The following ZNF773 variants were observed in gnomAD, a reference collection of about 807,000 sequenced individuals.
ZNF773 encodes zinc finger protein 773.
A neutral mutation model predicts 12.8 loss-of-function variants in ZNF773; 11 were observed. The ratio of observed to expected loss-of-function variants is 0.86; its 90% CI spans 0.54 to 1.42. The LOEUF is 1.42. ZNF773 is among the 40% of genes most tolerant of loss of function. The pLI, the probability that ZNF773 is intolerant of heterozygous loss-of-function variation, is 0.00. For missense variants in ZNF773, 518 were observed against 527.2 expected (o/e 0.98, Z 0.17); for synonymous variants, 175 against 178.4 (o/e 0.98, Z 0.15).
In ZNF773 at chr19:57,506,757, G is replaced by A. The variant is rs148693475; in HGVS notation, c.662G>A (p.Cys221Tyr). ...RLHTGEKPYE[C>Y]SECGKLFSHK... ...CACACTGGGGAAAAGCCTTATGAATGCAGTGAATGTGGGAAGTTATTTAGC... is the reference window on the plus strand; with the variant it reads ...CACACTGGGGAAAAGCCTTATGAATACAGTGAATGTGGGAAGTTATTTAGC... The change falls in exon 4 of 4, where the codon TGC becomes TAC. Residue 221 changes from cysteine (C) to tyrosine (Y), a missense_variant. Cys to Tyr is a radical substitution (Grantham distance 194, BLOSUM62 -2). Transcript: ENST00000282292. The A allele has an allele frequency of 1.5e-4, 239 of 1,614,222 alleles. No individual in the cohort carries two copies. The highest frequency in any genetic ancestry group is 2.0e-4 in the East Asian group (9 of 44,890).
Position 57,504,616 on chromosome 19 carries a change from A to G in ZNF773, c.34-41A>G, listed in dbSNP as rs772997275. ...GTTTAGGGGGATGCCTAAATTCCCCAGTAAGGAGACCGCAGATAAACTCAA... is the reference window on the plus strand; with the variant it reads ...GTTTAGGGGGATGCCTAAATTCCCCGGTAAGGAGACCGCAGATAAACTCAA... On this transcript the variant is annotated intron_variant, in intron 1 of 3. Coordinates refer to ENST00000282292, the MANE Select transcript of ZNF773 (RefSeq NM_198542.3). The G allele has an allele frequency of 7.0e-5, 112 of 1,610,502 alleles. 1 individual carries two copies. In the South Asian group the frequency reaches 1.2e-3, roughly 17 times the overall value.
chr19:57,513,276 G>A, downstream of ZNF773: 2 of 420,360 alleles, frequency 4.8e-6, no homozygotes, highest in East Asian at 7.9e-5. Flanking sequence ...ACAATCTGGT[G>A]CTCAGGTTAG....
downstream of ZNF773, chr19:57,513,023 C>T: frequency 6.4e-7 from 1 of 1,565,286 alleles, no homozygotes; most frequent in Non-Finnish European, 8.6e-7. Flanking sequence ...TTCATTCAGT[C>T]CCGAACCGAC....
At chr19:57,503,875 C>T (rs1419323648) in intron 1 of ZNF773, among the ~76,000 whole-genome samples, 1 of 152,054 alleles carries the variant, frequency 6.6e-6, no homozygotes, top group Non-Finnish European at 1.5e-5. Context: ...TCAGGCTGGT[C>T]TCGAACTCCT....
downstream of ZNF773, among the ~76,000 whole-genome samples, chr19:57,510,074 C>G (rs1025922255): frequency 1.4e-4 from 21 of 152,186 alleles, no homozygotes; most frequent in Non-Finnish European, 3.1e-4. Flanking sequence ...AATCACCCCG[C>G]TGGGTCTCTT....
In ZNF773 at chr19:57,507,858, A is replaced by T. The variant is rs4801493; in HGVS notation, c.*434A>T. ...CATGGTGGTGGGCGCCTGTAGTCCC[A>T]GCTACTCAGGAGGCTGAGGCAGAAG... On this transcript the variant is annotated 3_prime_UTR_variant, in exon 4 of 4. Coordinates refer to ENST00000282292, the MANE Select transcript of ZNF773 (RefSeq NM_198542.3). The T allele has an allele frequency of 2.4e-5, 7 of 289,790 alleles. No individual in the cohort carries two copies. Among genetic ancestry groups the T allele is most frequent in the African/African-American group, 1.1e-4 (5 of 43,538 alleles). 18.0% of individuals were successfully genotyped at this position (289,790 alleles called of 1,614,324 possible).
Position 57,507,535 on chromosome 19 carries a change from C to T in ZNF773, c.*111C>T. 1 of 1,467,704 alleles carries T rather than the reference C, an allele frequency of 6.8e-7. No individual in the cohort carries two copies. The highest frequency in any genetic ancestry group is 1.5e-5 in the South Asian group (1 of 68,384). The allele number at this position is 1,467,704 out of a possible 1,614,324, so 90.9% of individuals were successfully genotyped here. A position where few individuals can be genotyped will look rare whatever the true frequency, so the allele number is the denominator to read the frequency against. ...GAAATCCATTAGCTATACCTCCAAA[C>T]TCATTCAACACTGGACAGTTCACAG... On this transcript the variant is annotated 3_prime_UTR_variant, in exon 4 of 4. Transcript: ENST00000282292.
chr19:57,515,270 A>T (rs2089824710), downstream of ZNF773: 1 of 152,256 alleles, frequency 6.6e-6, no homozygotes, highest in Admixed American at 6.5e-5. Flanking sequence ...ATCTCTAGGT[A>T]ACAATAAAGC....
At chr19:57,504,447 T>C (rs1266654476) in intron 1 of ZNF773, among the ~76,000 whole-genome samples, 4 of 152,140 alleles carry the variant, frequency 2.6e-5, no homozygotes, top group Non-Finnish European at 4.4e-5. Flanking sequence ...CTGCATACCA[T>C]GCCCAGAGCT....
downstream of ZNF773, among the ~76,000 whole-genome samples, chr19:57,510,030 C>G (rs1397596875): frequency 6.6e-6 from 1 of 152,314 alleles, no homozygotes; most frequent in East Asian, 1.9e-4. Flanking sequence ...AGAGCCTTAA[C>G]AAAATTTTAG....
At chr19:57,514,303 G>A (rs769307163), downstream of ZNF773, 1 of 152,204 alleles carries the variant, frequency 6.6e-6, no homozygotes, top group Non-Finnish European at 1.5e-5. Flanking sequence ...TGTAGGGACA[G>A]ATTACAAACT....
intron 1 of ZNF773, 143 bp from the exon 2 acceptor site, chr19:57,504,514 G>C: frequency 8.2e-7 from 1 of 1,222,154 alleles, no homozygotes; most frequent in Non-Finnish European, 1.2e-6. Flanking sequence ...CATGAGGAGA[G>C]AGTGGGCATC....
rs1239922863 is a variant in ZNF773 at position 57,507,657 on chromosome 19, C to T, written c.*233C>T. ...AGACTGGAGAAAGGCCTTAGACTGT[C>T]GCTGAATCAATATGACCTGACTTAA... On this transcript the variant is annotated 3_prime_UTR_variant, in exon 4 of 4. Transcript: ENST00000282292. The T allele has an allele frequency of 1.3e-5, 17 of 1,334,952 alleles. No individual in the cohort carries two copies. The Admixed American group carries it at 1.8e-4, about 14-fold the overall frequency. 82.7% of individuals were successfully genotyped at this position (1,334,952 alleles called of 1,614,324 possible). A position where few individuals can be genotyped will look rare whatever the true frequency, so the allele number is the denominator to read the frequency against.
intron 1 of ZNF773, among the ~76,000 whole-genome samples, chr19:57,503,783 G>A (rs2089695780): frequency 6.6e-6 from 1 of 151,638 alleles, no homozygotes; most frequent in Admixed American, 6.6e-5. Flanking sequence ...TCAGCCTCCC[G>A]AGTAGCTGGG....
intron 1 of ZNF773, among the ~76,000 whole-genome samples, chr19:57,502,847 C>T (rs1385242159): frequency 2.0e-5 from 3 of 152,178 alleles, no homozygotes; most frequent in East Asian, 3.9e-4. Context: ...CCTGCCACCA[C>T]GCCCAGATAA....
downstream of ZNF773, chr19:57,514,846 C>A (rs1281027340): frequency 2.0e-5 from 3 of 152,168 alleles, no homozygotes; most frequent in East Asian, 3.8e-4. Flanking sequence ...ATCCATCAGA[C>A]AAAATTTTGC....
rs755655231 is a variant in ZNF773, at chr19:57,505,382, A to C, written c.244A>C (p.Thr82Pro). The C allele has an allele frequency of 2.5e-6, 4 of 1,613,876 alleles. No homozygotes were observed. The Admixed American group carries it at 6.7e-5, about 27-fold the overall frequency. ...CTTCATGCCTGCTTGGGAAGTTGTG[A>C]CTTCAGCCATACTGAGAGGTACTTG... ...EPFMPAWEVV[T>P]SAILRGSWQG... The change falls in exon 3 of 4, where the codon ACT becomes CCT. Residue 82 changes from threonine to proline, a missense_variant. By Grantham distance (38) the Thr-to-Pro change is conservative (BLOSUM62 -1). Coordinates refer to ENST00000282292, the MANE Select transcript of ZNF773 (RefSeq NM_198542.3).
chr19:57,501,241 G>A (rs1446817406), intron 1 of ZNF773, among the ~76,000 whole-genome samples: 1 of 151,648 alleles, frequency 6.6e-6, no homozygotes, highest in Non-Finnish European at 1.5e-5. Flanking sequence ...CAGGCAGCCA[G>A]ATTGCCAAAA....
chr19:57,500,198 G>T, intron 1 of ZNF773, 85 bp downstream of exon 1: 1 of 1,451,444 alleles, frequency 6.9e-7, no homozygotes, highest in Non-Finnish European at 9.1e-7. Context: ...CAGAACTGTG[G>T]GGCGTTCGTG....
Sources: gnomAD v4.1 joint callset for allele counts (sites outside exome capture counted in the v4.1 genomes callset) on GRCh38, gnomAD v4.1.1 for gene constraint, MANE v1.5 for transcripts, NCBI Gene and HGNC (gene_info 2026-07-23, HGNC 2026-07-21) for gene names.